The following GPR35 variants were observed in gnomAD, a reference collection of about 807,000 sequenced individuals.
GPR35 encodes G protein-coupled receptor 35.
For missense variants in GPR35, 372 were observed against 422.5 expected, an observed-to-expected ratio of 0.88 and a Z score of 1.05; for synonymous variants, 207 against 198.4, an observed-to-expected ratio of 1.04 and a Z score of -0.36.
In GPR35 at chr2:240,629,844, G is replaced by C. The variant is rs1389984297; in HGVS notation, c.-4-105G>C. 9.3e-6 allele frequency: 9 copies of C among 966,012 alleles called. No individual in the cohort carries two copies. In the Admixed American group the frequency reaches 2.0e-4, roughly 22 times the overall value. The allele number at this position is 966,012 out of a possible 1,614,324, so 59.8% of individuals were successfully genotyped here. On this transcript the variant is annotated intron_variant, in intron 1 of 1. Coordinates refer to ENST00000407714, the MANE Select transcript of GPR35 (RefSeq NM_005301.5). ...TTGTGTTTGTGGGTGTGGGGTCGGG[G>C]CTCACCTCCTCCCACATCCCTGCCC... is the stretch of plus-strand genomic sequence containing the variant.
chr2:240,612,739 G>C (rs2043195818), intron 2 of GPR35, among the ~76,000 whole-genome samples: 1 of 152,266 alleles, frequency 6.6e-6, no homozygotes, highest in Non-Finnish European at 1.5e-5. Flanking sequence ...CGGGGCCTCG[G>C]GAGGAGGCAA....
intron 2 of GPR35, among the ~76,000 whole-genome samples, chr2:240,614,818 A>ACATGTG (rs1196101313): frequency 1.3e-5 from 2 of 152,116 alleles, no homozygotes; most frequent in Non-Finnish European, 2.9e-5. Flanking sequence ...GTGTATGTGC[A>ACATGTG]CATGTGCATG....
At chr2:240,617,493 A>T (rs1256700265) in intron 4 of GPR35, 1 of 477,646 alleles carries the variant, frequency 2.1e-6, no homozygotes, top group Non-Finnish European at 3.8e-6. Flanking sequence ...GGGTTTGCAA[A>T]GTAGTGATAT....
intron 2 of GPR35, among the ~76,000 whole-genome samples, chr2:240,612,371 G>A (rs2043190122): frequency 6.8e-6 from 1 of 147,888 alleles, no homozygotes; most frequent in Non-Finnish European, 1.5e-5. Context: ...AGCTTGAAGT[G>A]AGTGGAGATC....
At position 240,633,141 on chromosome 2, in the gene GPR35, C is replaced by A. The variant is rs1180907347; in HGVS notation, c.*2259C>A. Among the ~76,000 whole-genome samples, 1 of 152,230 alleles carries A rather than the reference C, an allele frequency of 6.6e-6. No individual in the cohort carries two copies. The highest frequency in any genetic ancestry group is 1.9e-4 in the East Asian group (1 of 5,196). On this transcript the variant is annotated 3_prime_UTR_variant, in exon 2 of 2. Coordinates refer to ENST00000407714, the MANE Select transcript of GPR35 (RefSeq NM_005301.5). The stretch of plus-strand genomic sequence containing the variant: ...CATGCTGAAGTGTGAGTCAATTAAA[C>A]CTCTTTCCTTTAAAATTACCCAGTC...
At chr2:240,613,686 T>A (rs1247821302) in intron 2 of GPR35, among the ~76,000 whole-genome samples, 1 of 151,544 alleles carries the variant, frequency 6.6e-6, no homozygotes, top group Non-Finnish European at 1.5e-5. Context: ...AACCTAACCA[T>A]AACACTAACT....
At chr2:240,627,463 A>C (rs1032399450) in intron 1 of GPR35, 13 of 151,982 alleles carry the variant, frequency 8.6e-5, no homozygotes, top group African/African-American at 3.1e-4. Flanking sequence ...TGTTGTAGTT[A>C]GAGTTTTTTT....
At chr2:240,616,854 A>G in intron 3 of GPR35, 2 of 713,334 alleles carry the variant, frequency 2.8e-6, no homozygotes, top group Non-Finnish European at 5.3e-6. Flanking sequence ...TGGGGTAGCC[A>G]GATGCCATGC....
At chr2:240,626,032 T>C (rs1260799993) in intron 1 of GPR35, among the ~76,000 whole-genome samples, 14 of 11,678 alleles carry the variant, frequency 1.2e-3, no homozygotes, top group South Asian at 8.6e-3. Flanking sequence ...GAGGCTGTGA[T>C]GGGGTCTCAG....
chr2:240,631,064 C>T lies in GPR35; in HGVS notation c.*182C>T, dbSNP rs35230312. On this transcript the variant is annotated 3_prime_UTR_variant, in exon 2 of 2. Transcript: ENST00000407714. ...CTGCTCTCTTGGGAAGAGAGAGGGA[C>T]AGGGACAAGGGCAAGAGGACTGAGG... 0.026 allele frequency: 16,250 copies of T among 622,768 alleles called. 283 individuals are homozygous for T. The highest frequency in any genetic ancestry group is 0.037 in the Middle Eastern group (83 of 2,264). 38.6% of individuals were successfully genotyped at this position (622,768 alleles called of 1,614,324 possible).
intron 4 of GPR35, among the ~76,000 whole-genome samples, chr2:240,618,025 G>T (rs540957574): frequency 6.6e-6 from 1 of 152,214 alleles, no homozygotes; most frequent in South Asian, 2.1e-4. Flanking sequence ...TGTGGTTACT[G>T]GATTTGTCGT....
At chr2:240,618,641 A>G (rs2043261678) in intron 4 of GPR35, among the ~76,000 whole-genome samples, 1 of 152,238 alleles carries the variant, frequency 6.6e-6, no homozygotes, top group Non-Finnish European at 1.5e-5. Context: ...TCTAGAAACC[A>G]AGATATGGTC....
intron 4 of GPR35, among the ~76,000 whole-genome samples, chr2:240,618,125 C>T (rs554341401): frequency 2.6e-5 from 4 of 151,968 alleles, no homozygotes; most frequent in African/African-American, 9.7e-5. Context: ...TATTTAAATT[C>T]GGATTTACAT....
chr2:240,623,354 C>T (rs1249789817), upstream of GPR35, among the ~76,000 whole-genome samples: 1 of 138,276 alleles, frequency 7.2e-6, no homozygotes, highest in African/African-American at 2.7e-5. Context: ...AGGGCGCAAA[C>T]AGGTCGTGAG....
rs539852580 is a variant in GPR35 at position 240,612,493 on chromosome 2, G to A, written c.-576-3895G>A. Among the ~76,000 whole-genome samples the A allele has an allele frequency of 1.3e-4, 19 of 151,976 alleles. No homozygotes were observed. The East Asian group carries it at 1.6e-3, about 12-fold the overall frequency. ...TTGGCCAAAGGCTGCTGGTGGGTGC[G>A]TGGAGGTGCTGCCTGTCAGCTGTGC... On this transcript the variant is annotated intron_variant, in intron 2 of 5. Coordinates refer to the GPR35 transcript ENST00000319838.
At chr2:240,620,452 T>TG (rs1378319072) in intron 5 of GPR35, among the ~76,000 whole-genome samples, 1 of 152,064 alleles carries the variant, frequency 6.6e-6, no homozygotes, top group Non-Finnish European at 1.5e-5. Flanking sequence ...TGAGGGTGCC[T>TG]GGTGAAGGGA....
chr2:240,619,437 TA>T (rs777968252), intron 5 of GPR35, among the ~76,000 whole-genome samples: 1 of 152,184 alleles, frequency 6.6e-6, no homozygotes, highest in East Asian at 1.9e-4. Context: ...GGTCCCAGGA[TA>T]GGGCAAAAGA....
intron 3 of GPR35, chr2:240,617,028 A>G: frequency 1.3e-6 from 1 of 748,048 alleles, no homozygotes; most frequent in Non-Finnish European, 2.5e-6. Flanking sequence ...TTCTGATGAG[A>G]CTGCAGCCCC....
At position 240,625,539 on chromosome 2, in the gene GPR35, C is replaced by T. The variant is rs1383814390; in HGVS notation, c.-34C>T. 2.0e-6 allele frequency: 2 copies of T among 985,956 alleles called. No individual in the cohort carries two copies. The highest frequency in any genetic ancestry group is 4.7e-5 in the South Asian group (1 of 21,380). 61.1% of individuals were successfully genotyped at this position (985,956 alleles called of 1,614,324 possible). A position where few individuals can be genotyped will look rare whatever the true frequency, so the allele number is the denominator to read the frequency against. On this transcript the variant is annotated 5_prime_UTR_variant, in exon 1 of 2. Transcript: ENST00000407714. ...AGGCTTTGGCAGCGGGGGTCACACA[C>T]TCCACCCGGGAGGCCAAAGCTGCCT... is the stretch of plus-strand genomic sequence containing the variant.
Sources: gnomAD v4.1 joint callset for allele counts (sites outside exome capture counted in the v4.1 genomes callset) on GRCh38, gnomAD v4.1.1 for gene constraint, MANE v1.5 for transcripts, NCBI Gene and HGNC (gene_info 2026-07-23, HGNC 2026-07-21) for gene names.